The following PLCL2 variants were observed in gnomAD, a reference collection of about 807,000 sequenced individuals.
PLCL2 encodes phospholipase C like 2, also known as inactive phospholipase C-like protein 2.
In PLCL2, 4 loss-of-function variants were observed where a neutral mutation model predicts 79.6. That is an observed-to-expected ratio of 0.05 (90% CI 0.02 to 0.11). The LOEUF (loss-of-function observed/expected upper bound fraction) is 0.11, where lower values mean the gene tolerates loss of function less well. Among genes scored for constraint, PLCL2 ranks in the 10% least tolerant of loss-of-function variants. The pLI is 1.00. For synonymous variants in PLCL2, 484 were observed against 457.7 expected (o/e 1.06, Z -0.73); for missense variants, 895 against 1,291.0 (o/e 0.69, Z 4.70).
At chr3:17,071,518 T>C (rs1057375229) in intron 5 of PLCL2, among the ~76,000 whole-genome samples, 1 of 152,194 alleles carries the variant, frequency 6.6e-6, no homozygotes, top group Non-Finnish European at 1.5e-5. Context: ...TGTTTTTAAG[T>C]GACCCAAGAT....
At chr3:17,047,781 A>G (rs2064796269) in intron 4 of PLCL2, among the ~76,000 whole-genome samples, 1 of 152,212 alleles carries the variant, frequency 6.6e-6, no homozygotes, top group Admixed American at 6.5e-5. Context: ...ACCTGCACAC[A>G]CAGCAGCCTG....
At chr3:16,906,038 T>C (rs1391393595) in intron 1 of PLCL2, among the ~76,000 whole-genome samples, 3 of 152,174 alleles carry the variant, frequency 2.0e-5, no homozygotes, top group Admixed American at 2.0e-4. Flanking sequence ...TTTCAGGCCC[T>C]TTTCCTTTGT....
chr3:17,083,109 CAAT>C (rs760055843), intron 5 of PLCL2, among the ~76,000 whole-genome samples: 13 of 151,922 alleles, frequency 8.6e-5, no homozygotes, highest in Non-Finnish European at 1.5e-4. Context: ...AAGAGACAGA[CAAT>C]AAACCAAGCA....
At chr3:17,052,274 C>T (rs1382628066) in intron 4 of PLCL2, among the ~76,000 whole-genome samples, 3 of 147,098 alleles carry the variant, frequency 2.0e-5, no homozygotes, top group Non-Finnish European at 3.0e-5. Flanking sequence ...GTGAAGGTCT[C>T]AGGTTATGGA....
intron 1 of PLCL2, among the ~76,000 whole-genome samples, chr3:16,946,863 C>G (rs910892209): frequency 6.7e-6 from 1 of 150,192 alleles, no homozygotes; most frequent in Admixed American, 6.6e-5. Context: ...TTCTTTCCAC[C>G]TTTTAAAAAG....
chr3:16,898,414 G>GA (rs139554153), intron 1 of PLCL2, among the ~76,000 whole-genome samples: 6,541 of 151,918 alleles, frequency 0.043, 211 homozygotes, highest in Middle Eastern at 0.082. Flanking sequence ...TCATTGTTAG[G>GA]AAAAAAAGTA....
intron 1 of PLCL2, among the ~76,000 whole-genome samples, chr3:16,957,145 T>C (rs2063713563): frequency 6.6e-6 from 1 of 152,190 alleles, no homozygotes; most frequent in African/African-American, 2.4e-5. Flanking sequence ...GGATCTTTCC[T>C]GCTTTCTCTT....
At chr3:17,014,382 C>T (rs952147920) in intron 2 of PLCL2, among the ~76,000 whole-genome samples, 4 of 152,020 alleles carry the variant, frequency 2.6e-5, no homozygotes, top group Admixed American at 6.6e-5. Context: ...AGAAGCTATT[C>T]GCTCTGTTTG....
chr3:17,043,317 G>C (rs2064745806), intron 4 of PLCL2, among the ~76,000 whole-genome samples: 1 of 152,200 alleles, frequency 6.6e-6, no homozygotes, highest in Non-Finnish European at 1.5e-5. Context: ...AGTAGGATAG[G>C]TAAGGCTTGA....
At chr3:16,945,239 TACAC>T (rs10542881) in intron 1 of PLCL2, among the ~76,000 whole-genome samples, 68,554 of 150,284 alleles carry the variant, frequency 0.46, 17,261 homozygotes, top group African/African-American at 0.69. Context: ...CACAAACACA[TACAC>T]ACACACACAC....
intron 1 of PLCL2, among the ~76,000 whole-genome samples, chr3:16,947,134 T>A (rs1385564706): frequency 6.6e-6 from 1 of 151,592 alleles, no homozygotes; most frequent in African/African-American, 2.4e-5. Flanking sequence ...TTTATTTTTT[T>A]TTTTTTAGAG....
In PLCL2 at chr3:16,901,145, T is replaced by G. The variant is rs935687164; in HGVS notation, c.327+15779T>G. The stretch of plus-strand genomic sequence containing the variant: ...TTGTCCTTGAAGTTTCAAAAAATTA[T>G]ATTTATGCACTAAATTTATTTGGCA... On this transcript the variant is annotated intron_variant, in intron 1 of 5. Transcript: ENST00000615277. Among the ~76,000 whole-genome samples, 16 of 152,390 alleles carry G rather than the reference T, an allele frequency of 1.0e-4. 1 individual carries two copies. The East Asian group carries it at 2.9e-3, about 27-fold the overall frequency.
intron 1 of PLCL2, among the ~76,000 whole-genome samples, chr3:16,960,262 C>G (rs2124968421): frequency 6.6e-6 from 1 of 152,334 alleles, no homozygotes. Context: ...ACTCCATTGT[C>G]TTGTATGGAG....
intron 1 of PLCL2, among the ~76,000 whole-genome samples, chr3:16,926,373 A>T (rs1241965668): frequency 6.6e-6 from 1 of 152,174 alleles, no homozygotes; most frequent in Non-Finnish European, 1.5e-5. Context: ...CTCCTCTGTA[A>T]AGTGGGATTA....
chr3:17,083,299 G>C (rs1204239682), intron 5 of PLCL2, among the ~76,000 whole-genome samples: 2 of 152,212 alleles, frequency 1.3e-5, no homozygotes, highest in African/African-American at 4.8e-5. Context: ...CTAGCTACGT[G>C]CATTTCTGGG....
intron 1 of PLCL2, among the ~76,000 whole-genome samples, chr3:16,982,464 A>C (rs914031824): frequency 6.6e-6 from 1 of 152,174 alleles, no homozygotes; most frequent in Admixed American, 6.5e-5. Flanking sequence ...ACATTTATCA[A>C]ATCCCGTTAA....
chr3:17,011,728 T>C lies in PLCL2; in HGVS notation c.2382T>C (p.Cys794=), dbSNP rs753117541. 1 of 1,614,158 alleles carries C rather than the reference T, an allele frequency of 6.2e-7. No individual in the cohort carries two copies. The highest frequency in any genetic ancestry group is 1.7e-5 in the Admixed American group (1 of 60,008). ...AAATCCATGGAATCCCTGCTGATTG[T>C]GCAGAACAAAGGACAAAAACAGTGC... The part of the protein sequence containing the change: ...YVEIHGIPAD[C]AEQRTKTVHQ... The change falls in exon 2 of 6, where the codon TGT becomes TGC. Residue 794 remains cysteine, a synonymous_variant. Transcript: ENST00000615277. This position sits in a 1 kb window ranked among gnomAD's most constrained non-coding sequence, Gnocchi z 7.9.
intron 1 of PLCL2, among the ~76,000 whole-genome samples, chr3:16,986,317 A>G (rs1378038446): frequency 6.6e-6 from 1 of 151,990 alleles, no homozygotes; most frequent in African/African-American, 2.4e-5. Context: ...GGCACACCAT[A>G]ATTATTCACT....
At chr3:17,057,643 G>A (rs561126849) in intron 4 of PLCL2, among the ~76,000 whole-genome samples, 1 of 152,142 alleles carries the variant, frequency 6.6e-6, no homozygotes, top group Admixed American at 6.6e-5. Context: ...CAAATAGAAG[G>A]GCCGCTTGAG....
Sources: allele counts gnomAD v4.1 joint callset (sites outside exome capture counted in the v4.1 genomes callset), GRCh38; gene constraint gnomAD v4.1.1; non-coding constraint Gnocchi (gnomAD v3.1); transcripts MANE v1.5; gene names NCBI Gene and HGNC (gene_info 2026-07-23, HGNC 2026-07-21).